Variants in AHI1 observed in about 807,000 individuals in gnomAD.
AHI1 encodes jouberin.
A neutral mutation model predicts 149.3 loss-of-function variants in AHI1; 123 were observed. That is an observed-to-expected ratio of 0.82 (90% CI 0.71 to 0.96). AHI1 has a LOEUF of 0.96. AHI1 is among the 40% of genes least tolerant of loss of function. The pLI is 0.00. For synonymous variants in AHI1, 475 were observed against 459.8 expected (o/e 1.03, Z -0.42); for missense variants, 1,439 against 1,422.7 (o/e 1.01, Z -0.18).
chr6:135,347,627 T>C (rs1039378530), intron 24 of AHI1, among the ~76,000 whole-genome samples: 2 of 152,210 alleles, frequency 1.3e-5, no homozygotes, highest in Non-Finnish European at 2.9e-5. Flanking sequence ...GCACAGTGCA[T>C]AGTAGGTGCC....
At chr6:135,415,936 T>C (rs910959354) in intron 20 of AHI1, among the ~76,000 whole-genome samples, 4 of 152,172 alleles carry the variant, frequency 2.6e-5, no homozygotes, top group Non-Finnish European at 4.4e-5. Context: ...TTCACTTATA[T>C]ACAATTCTGG....
At chr6:135,318,015 A>C (rs17064413) in intron 26 of AHI1, among the ~76,000 whole-genome samples, 1,762 of 152,392 alleles carry the variant, frequency 0.012, 38 homozygotes, top group African/African-American at 0.04. Flanking sequence ...CTGATGACAC[A>C]GACTAAAATA....
chr6:135,358,422 C>G (rs1472325130), intron 23 of AHI1, among the ~76,000 whole-genome samples: 1 of 152,174 alleles, frequency 6.6e-6, no homozygotes, highest in Non-Finnish European at 1.5e-5. Flanking sequence ...CAAGTGATGT[C>G]TAGCAATAGC....
chr6:135,290,318 CT>C, intron 28 of AHI1, 104 bp downstream of exon 28: 1 of 766,108 alleles, frequency 1.3e-6, no homozygotes, highest in African/African-American at 1.7e-5. Context: ...CTTGTCAGTC[CT>C]TATTTTACTT....
chr6:135,453,390 A>C lies in AHI1; in HGVS notation c.1391T>G (p.Val464Gly). The change falls in exon 11 of 29, where the codon GTT (valine) becomes GGT (glycine). Residue 464 changes from valine (V) to glycine (G), a missense_variant. Val to Gly is a moderately radical substitution (Grantham distance 109). Coordinates refer to ENST00000265602, the MANE Select transcript of AHI1 (RefSeq NM_001134831.2). Reference protein sequence around the residue: ...SVDEIKNNSEVQNQECGFRKI... With the variant: ...SVDEIKNNSEGQNQECGFRKI... ...CCGAAAGCCACATTCTTGGTTTTGAACCTCAGAATTATTCTTAATTTCATC... is the reference window on the plus strand; with the variant it reads ...CCGAAAGCCACATTCTTGGTTTTGACCCTCAGAATTATTCTTAATTTCATC... 6.4e-7 allele frequency: 1 copy of C among 1,561,702 alleles called. No homozygotes were observed.
chr6:135,446,532 G>T (rs1178441413), intron 13 of AHI1, among the ~76,000 whole-genome samples: 1 of 152,188 alleles, frequency 6.6e-6, no homozygotes, highest in African/African-American at 2.4e-5. Context: ...ATTTGGTCCT[G>T]AGAGTGAGAA....
rs1795044108 is a variant in AHI1, at chr6:135,490,100, TG to T, written c.135+522del. ...ATCAGGTTGTAGTTAGTTGCTGATTTGCTTAGTCTTTGAGCACTGTATTTTT... is the reference window on the plus strand; with the variant it reads ...ATCAGGTTGTAGTTAGTTGCTGATTTCTTAGTCTTTGAGCACTGTATTTTT... On this transcript the variant is annotated intron_variant, in intron 5 of 28. Coordinates refer to ENST00000265602, the MANE Select transcript of AHI1 (RefSeq NM_001134831.2). 3 of 702,586 alleles carry T rather than the reference TG, an allele frequency of 4.3e-6. No homozygotes were observed. The African/African-American group carries it at 5.3e-5, about 12-fold the overall frequency. The allele number at this position is 702,586 out of a possible 1,614,324, so 43.5% of individuals were successfully genotyped here.
Position 135,285,128 on chromosome 6 carries a change from T to C in AHI1, c.*517A>G, listed in dbSNP as rs1373748384. On this transcript the variant is annotated 3_prime_UTR_variant, in exon 29 of 29. Transcript: ENST00000265602. Reference sequence around the variant, plus strand: ...CTTAGGTGATCCACCTGCCTCAGCCTCCCAAGGTGCTAGGATTACAGGCAT... The same window carrying C: ...CTTAGGTGATCCACCTGCCTCAGCCCCCCAAGGTGCTAGGATTACAGGCAT... 6.3e-6 allele frequency: 1 copy of C among 158,860 alleles called. No homozygotes were observed. The highest frequency in any genetic ancestry group is 2.4e-5 in the African/African-American group (1 of 41,448). 9.8% of individuals were successfully genotyped at this position (158,860 alleles called of 1,614,324 possible). A position where few individuals can be genotyped will look rare whatever the true frequency, so the allele number is the denominator to read the frequency against.
intron 26 of AHI1, among the ~76,000 whole-genome samples, chr6:135,317,111 T>C (rs1786075125): frequency 6.6e-6 from 1 of 151,924 alleles, no homozygotes; most frequent in African/African-American, 2.4e-5. Flanking sequence ...CTAGTTCAGG[T>C]TTTTGTATTT....
intron 23 of AHI1, among the ~76,000 whole-genome samples, chr6:135,370,247 CTTAG>C (rs1159829789): frequency 1.3e-5 from 2 of 152,118 alleles, no homozygotes; most frequent in Admixed American, 6.5e-5. Flanking sequence ...TGGGCTGTTG[CTTAG>C]TTAATTTCAA....
intron 24 of AHI1, among the ~76,000 whole-genome samples, chr6:135,341,238 A>C (rs578244101): frequency 6.6e-6 from 1 of 152,188 alleles, no homozygotes; most frequent in South Asian, 2.1e-4. Flanking sequence ...TAAGGATACA[A>C]GACTGTTGAA....
chr6:135,313,161 T>C (rs889754975), intron 26 of AHI1, among the ~76,000 whole-genome samples: 3 of 152,196 alleles, frequency 2.0e-5, no homozygotes, highest in Admixed American at 1.3e-4. Context: ...CGAGGCAACA[T>C]TATATTTCTT....
rs1788455497 is a variant in AHI1 at position 135,453,514 on chromosome 6, A to G, written c.1345-78T>C. On this transcript the variant is annotated intron_variant, in intron 10 of 28. Coordinates refer to ENST00000265602, the MANE Select transcript of AHI1 (RefSeq NM_001134831.2). The stretch of plus-strand genomic sequence containing the variant: ...TGGTACATTATTAAAACTTTAAAAA[A>G]TCATTTGTATAGTGCTTAAAAACAT... 3 of 1,036,984 alleles carry G rather than the reference A, an allele frequency of 2.9e-6. No individual in the cohort carries two copies. In the African/African-American group the frequency reaches 4.9e-5, roughly 17 times the overall value. 64.2% of individuals were successfully genotyped at this position (1,036,984 alleles called of 1,614,324 possible). A position where few individuals can be genotyped will look rare whatever the true frequency, so the allele number is the denominator to read the frequency against.
In AHI1 at chr6:135,455,823, C is replaced by A; in HGVS notation, c.1255G>T (p.Glu419Ter). 6.2e-7 allele frequency: 1 copy of A among 1,601,046 alleles called. No individual in the cohort carries two copies. The highest frequency in any genetic ancestry group is 1.3e-5 in the African/African-American group (1 of 74,836). Residue 419 changes from glutamate to a stop codon, truncating the protein, a stop_gained, in exon 10 of 29, where the codon GAG becomes TAG. Transcript: ENST00000265602. LOFTEE classifies it high-confidence loss of function. Reference sequence around the variant, plus strand: ...TTAAATACAATTTGTTCTTCCCACTCTGGAAGTCTTGATTTTAACTGTTTA... The same window carrying A: ...TTAAATACAATTTGTTCTTCCCACTATGGAAGTCTTGATTTTAACTGTTTA... ...DFKQLKSRLP[E>*]WEEQIVFNEN... is the part of the protein sequence containing the mutation.
intron 26 of AHI1, among the ~76,000 whole-genome samples, chr6:135,315,883 C>T (rs1280518938): frequency 1.3e-5 from 2 of 152,158 alleles, no homozygotes; most frequent in South Asian, 2.1e-4. Flanking sequence ...AACTTATCTG[C>T]ATCCCTATCC....
At chr6:135,375,912 T>C (rs1461274233) in intron 23 of AHI1, among the ~76,000 whole-genome samples, 1 of 152,062 alleles carries the variant, frequency 6.6e-6, no homozygotes, top group Non-Finnish European at 1.5e-5. Context: ...TAGGACATTA[T>C]AAGCACAGAA....
At chr6:135,363,213 G>A (rs1426168729) in intron 23 of AHI1, among the ~76,000 whole-genome samples, 5 of 150,712 alleles carry the variant, frequency 3.3e-5, no homozygotes, top group African/African-American at 1.2e-4. Flanking sequence ...CAGTGTTTGT[G>A]TCCCTGGGTA....
chr6:135,363,462 A>C (rs1794246531), intron 23 of AHI1, among the ~76,000 whole-genome samples: 2 of 152,190 alleles, frequency 1.3e-5, no homozygotes, highest in Admixed American at 6.5e-5. Context: ...CTACACAGAC[A>C]CGGCAACCAT....
intron 23 of AHI1, among the ~76,000 whole-genome samples, chr6:135,364,719 G>T (rs1381948897): frequency 6.6e-6 from 1 of 152,140 alleles, no homozygotes; most frequent in African/African-American, 2.4e-5. Context: ...GCGAATCCCC[G>T]TCTCCACCAA....
Sources: gnomAD v4.1 joint callset for allele counts (sites outside exome capture counted in the v4.1 genomes callset) on GRCh38, gnomAD v4.1.1 for gene constraint, MANE v1.5 for transcripts, NCBI Gene and HGNC (gene_info 2026-07-23, HGNC 2026-07-21) for gene names.